The following ZNF425 variants were observed in gnomAD, a reference collection of about 807,000 sequenced individuals.
ZNF425 encodes zinc finger protein 425.
In ZNF425, 21 loss-of-function variants were observed where a neutral mutation model predicts 17.0. The ratio of observed to expected loss-of-function variants is 1.23; its 90% CI spans 0.88 to 1.78. The LOEUF (loss-of-function observed/expected upper bound fraction) is 1.78. Ranked by LOEUF, ZNF425 falls within the 40% of genes most tolerant of loss-of-function variation. ZNF425 has a pLI of 0.00. For synonymous variants in ZNF425, 433 were observed against 384.1 expected (o/e 1.13, Z -1.49); for missense variants, 868 against 967.3 (o/e 0.90, Z 1.36).
intron 3 of ZNF425, among the ~76,000 whole-genome samples, chr7:149,105,811 C>T (rs559700806): frequency 1.9e-3 from 292 of 151,304 alleles, no homozygotes; most frequent in African/African-American, 6.5e-3. Context: ...CCACCACGCC[C>T]GGCTAATTTT....
rs1383900600 is a variant in ZNF425, at chr7:149,103,549, T to G, written c.*63A>C. On this transcript the variant is annotated 3_prime_UTR_variant, in exon 4 of 4. Transcript: ENST00000378061. Reference sequence around the variant, plus strand: ...TGTGAATCCTTCAACCTGCCTCAACTTGAGCCAACAGAGCTGCTGGCACCT... The same window carrying G: ...TGTGAATCCTTCAACCTGCCTCAACGTGAGCCAACAGAGCTGCTGGCACCT... 5 of 1,520,086 alleles carry G rather than the reference T, an allele frequency of 3.3e-6. No homozygotes were observed. The African/African-American group carries it at 5.6e-5, about 17-fold the overall frequency. The allele number at this position is 1,520,086 out of a possible 1,614,324, so 94.2% of individuals were successfully genotyped here.
intron 3 of ZNF425, among the ~76,000 whole-genome samples, chr7:149,106,835 G>A (rs1015329995): frequency 3.9e-5 from 6 of 152,056 alleles, no homozygotes; most frequent in Non-Finnish European, 5.9e-5. Context: ...GTGGCCAGGC[G>A]CAGTGGCTCA....
At chr7:149,117,607 T>TA (rs76945741) in intron 2 of ZNF425, among the ~76,000 whole-genome samples, 2,517 of 140,536 alleles carry the variant, frequency 0.018, 84 homozygotes, top group African/African-American at 0.063. Flanking sequence ...ACACTTCTTT[T>TA]AAAAAAAAAG....
At position 149,103,788 on chromosome 7, in the gene ZNF425, G is replaced by A. The variant is rs750263170; in HGVS notation, c.2083C>T (p.Gln695Ter). 1.4e-5 allele frequency: 22 copies of A among 1,614,136 alleles called. No homozygotes were observed. Among genetic ancestry groups the A allele is most frequent in the East Asian group, 2.2e-5 (1 of 44,886 alleles). The part of the protein sequence containing the change: ...LYKHSGERPF[Q>*]CPECGKGFLQ... ...AAGCCTTTGCCACACTCGGGACACTGGAAGGGCCTCTCTCCACTGTGCTTA... is the reference window on the plus strand; with the variant it reads ...AAGCCTTTGCCACACTCGGGACACTAGAAGGGCCTCTCTCCACTGTGCTTA... Residue 695 changes from glutamine to a stop codon, truncating the protein, a stop_gained, in exon 4 of 4, where the codon CAG becomes TAG. Coordinates refer to ENST00000378061, the MANE Select transcript of ZNF425 (RefSeq NM_001001661.3). LOFTEE classifies it low-confidence loss of function (END_TRUNC).
intron 1 of ZNF425, among the ~76,000 whole-genome samples, chr7:149,123,506 GACAA>G (rs1474972214): frequency 6.6e-6 from 1 of 152,142 alleles, no homozygotes; most frequent in Non-Finnish European, 1.5e-5. Flanking sequence ...CAGCTATTAT[GACAA>G]ACAAGTTCAA....
intron 3 of ZNF425, among the ~76,000 whole-genome samples, 156 bp from the exon 4 acceptor site, chr7:149,105,722 C>T (rs1178178919): frequency 6.6e-6 from 1 of 152,048 alleles, no homozygotes; most frequent in African/African-American, 2.4e-5. Flanking sequence ...GCGATCTCGG[C>T]TCACTGCAAG....
At chr7:149,107,351 TTTC>T (rs1333310396) in intron 3 of ZNF425, among the ~76,000 whole-genome samples, 2 of 136,412 alleles carry the variant, frequency 1.5e-5, no homozygotes, top group African/African-American at 6.2e-5. Flanking sequence ...ATTTATTTTT[TTTC>T]TGAGACAGAG....
chr7:149,112,238 A>AAT lies in ZNF425; in HGVS notation c.201_202dup (p.Leu68TyrfsTer2). ...ATCTAAGCATCCCTGTTCGCTGATT[A>AAT]ATAGCATTCTCCCTTGTTCCATCCA... On this transcript the variant is annotated frameshift_variant, in exon 3 of 4. Coordinates refer to ENST00000378061, the MANE Select transcript of ZNF425 (RefSeq NM_001001661.3). LOFTEE classifies it high-confidence loss of function. 6.8e-6 allele frequency: 11 copies of AAT among 1,614,206 alleles called. No individual in the cohort carries two copies. The highest frequency in any genetic ancestry group is 9.3e-6 in the Non-Finnish European group (11 of 1,179,992).
chr7:149,104,065 C>A lies in ZNF425; in HGVS notation c.1806G>T (p.Arg602Ser). ...GGTAGGGCTTCTCTCCACTGTGCAG[C>A]CTCAGGTGCTCGGTGAGCTGAGACT... ...THQSQLTEHL[R>S]LHSGEKPYQC... Residue 602 changes from arginine (R) to serine (S), a missense_variant, in exon 4 of 4, where the codon AGG becomes AGT. Arg to Ser is a moderately radical substitution (Grantham distance 110). This residue lies in a region of ZNF425 where 437 missense variants were observed against 444.2 expected (regional missense o/e 0.98). Coordinates refer to ENST00000378061, the MANE Select transcript of ZNF425 (RefSeq NM_001001661.3). This position sits in a 1 kb window ranked among gnomAD's most constrained non-coding sequence, Gnocchi z 4.3. 1.2e-6 allele frequency: 2 copies of A among 1,613,380 alleles called. No individual in the cohort carries two copies. Among genetic ancestry groups the A allele is most frequent in the Non-Finnish European group, 1.7e-6 (2 of 1,179,966 alleles).
chr7:149,114,007 C>G (rs960959824), intron 2 of ZNF425, among the ~76,000 whole-genome samples: 3 of 104,042 alleles, frequency 2.9e-5, no homozygotes, highest in African/African-American at 9.3e-5. Context: ...GAGAGAGACT[C>G]TGTCTAAAAA....
chr7:149,122,788 T>C (rs142714416), intron 1 of ZNF425, among the ~76,000 whole-genome samples: 5,524 of 151,192 alleles, frequency 0.037, 323 homozygotes, highest in African/African-American at 0.13. Flanking sequence ...CTCTGCCTCC[T>C]TGGTTCAAGC....
chr7:149,121,947 G>A (rs925435879), intron 1 of ZNF425, among the ~76,000 whole-genome samples: 1 of 151,800 alleles, frequency 6.6e-6, no homozygotes, highest in South Asian at 2.1e-4. Context: ...ACGGAGTCTC[G>A]CTCTGTCACC....
intron 2 of ZNF425, among the ~76,000 whole-genome samples, chr7:149,115,094 TG>T (rs1415180655): frequency 6.8e-6 from 1 of 147,222 alleles, no homozygotes; most frequent in African/African-American, 2.5e-5. Context: ...GCCACCACGC[TG>T]GCTAATTTTT....
chr7:149,107,751 A>G (rs1826105140), intron 3 of ZNF425, among the ~76,000 whole-genome samples: 2 of 152,110 alleles, frequency 1.3e-5, no homozygotes, highest in Non-Finnish European at 2.9e-5. Flanking sequence ...GGAAAGGACC[A>G]TTGCAGATAT....
rs1826037446 is a variant in ZNF425 at position 149,104,406 on chromosome 7, T to C, written c.1465A>G (p.Thr489Ala). ...FTRPSKLACHTRVHDRQKEFP... is the reference protein window; with the variant it reads ...FTRPSKLACHARVHDRQKEFP... ...TCCTTCTGCCTGTCGTGGACTCTGGTGTGGCAGGCGAGCTTGGAAGGCCGC... is the reference window on the plus strand; with the variant it reads ...TCCTTCTGCCTGTCGTGGACTCTGGCGTGGCAGGCGAGCTTGGAAGGCCGC... Residue 489 changes from threonine to alanine, a missense_variant, in exon 4 of 4, where the codon ACC (threonine) becomes GCC (alanine). Thr to Ala is a moderately conservative substitution (Grantham distance 58, BLOSUM62 0). Around this residue, in one of 5 missense-constraint regions of ZNF425, gnomAD observed 437 missense variants for 444.2 expected, o/e 0.98. Coordinates refer to ENST00000378061, the MANE Select transcript of ZNF425 (RefSeq NM_001001661.3). This position sits in a 1 kb window ranked among gnomAD's most constrained non-coding sequence, Gnocchi z 4.3. 1.2e-6 allele frequency: 2 copies of C among 1,605,468 alleles called. No individual in the cohort carries two copies. Among genetic ancestry groups the C allele is most frequent in the Non-Finnish European group, 1.7e-6 (2 of 1,176,070 alleles).
chr7:149,106,413 A>G (rs992381814), intron 3 of ZNF425, among the ~76,000 whole-genome samples: 4 of 150,900 alleles, frequency 2.7e-5, no homozygotes, highest in African/African-American at 9.8e-5. Context: ...AATGTTTTGT[A>G]TTTTTAGTAG....
intron 3 of ZNF425, among the ~76,000 whole-genome samples, chr7:149,109,115 G>A (rs1020363967): frequency 4.3e-5 from 6 of 139,214 alleles, no homozygotes; most frequent in African/African-American, 1.6e-4. Context: ...GTCTCGCTCT[G>A]TTGCCAGGCT....
intron 2 of ZNF425, among the ~76,000 whole-genome samples, chr7:149,112,752 GCCTCCCGGGGATCA>G: frequency 6.6e-6 from 1 of 151,888 alleles, no homozygotes; most frequent in South Asian, 2.1e-4. Context: ...TGCAACCTCT[GCCTCCCGGGGATCA>G]ACTGATCCTC....
chr7:149,126,201 C>A lies in ZNF425; in HGVS notation c.13G>T (p.Ala5Ser). Residue 5 changes from alanine to serine, a missense_variant, in exon 1 of 4, where the codon GCT becomes TCT. Physicochemically the swap from Ala to Ser is moderately conservative, Grantham distance 99 (BLOSUM62 1). Coordinates refer to ENST00000378061, the MANE Select transcript of ZNF425 (RefSeq NM_001001661.3). Reference protein sequence around the residue: MAEPASVTVTFDDVA... With the variant: MAEPSSVTVTFDDVA... ...CCTCCACCGGCCCTTCTTACCGAAG[C>A]CGGCTCGGCCATGGCGGTTCCGCAC... 1 of 1,612,724 alleles carries A rather than the reference C, an allele frequency of 6.2e-7. No individual in the cohort carries two copies. Among genetic ancestry groups the A allele is most frequent in the Non-Finnish European group, 8.5e-7 (1 of 1,179,556 alleles).
Sources: gnomAD v4.1 joint callset for allele counts (sites outside exome capture counted in the v4.1 genomes callset) on GRCh38, gnomAD v4.1.1 for gene constraint, gnomAD v4.1.1 regional missense constraint, Gnocchi (gnomAD v3.1) non-coding constraint, MANE v1.5 for transcripts, NCBI Gene and HGNC (gene_info 2026-07-23, HGNC 2026-07-21) for gene names.